Variants in TDP1 observed in about 807,000 individuals in gnomAD.
TDP1 encodes tyr-DNA phosphodiesterase 1.
Under a neutral mutation model 81.5 loss-of-function variants are expected in TDP1, and 64 were observed. The observed-to-expected ratio is 0.79, with a 90% CI of 0.64 to 0.97. The LOEUF (loss-of-function observed/expected upper bound fraction) is 0.97. Among genes scored for constraint, TDP1 ranks in the 50% least tolerant of loss-of-function variants. The probability of loss-of-function intolerance (pLI) is 0.00; values close to 1 mark genes in which losing one functional copy is unlikely to be tolerated. For missense variants in TDP1, 723 were observed against 743.8 expected (o/e 0.97, Z 0.33); for synonymous variants, 256 against 264.3 (o/e 0.97, Z 0.30).
intron 8 of TDP1, among the ~76,000 whole-genome samples, chr14:89,981,285 A>G (rs1475944236): frequency 1.3e-5 from 2 of 152,140 alleles, no homozygotes; most frequent in African/African-American, 4.8e-5. Context: ...TGAATACGAA[A>G]GCTTTTATGA....
At chr14:89,996,713 A>G (rs368203225) in intron 14 of TDP1, among the ~76,000 whole-genome samples, 1 of 152,252 alleles carries the variant, frequency 6.6e-6, no homozygotes, top group African/African-American at 2.4e-5. Context: ...CACAGCAACT[A>G]TGAAGGTTTA....
chr14:90,019,297 T>C lies in TDP1; in HGVS notation c.1542-19T>C. On this transcript the variant is annotated intron_variant, in intron 14 of 16. Coordinates refer to ENST00000335725, the MANE Select transcript of TDP1 (RefSeq NM_018319.4). ...GATGCCTCCCTGAGTCAGCCCTATC[T>C]GTGTCCTTGTCTCTGCAGCGCAAAT... The C allele has an allele frequency of 6.5e-7, 1 of 1,542,668 alleles. No homozygotes were observed. Among genetic ancestry groups the C allele is most frequent in the Non-Finnish European group, 9.0e-7 (1 of 1,115,682 alleles).
In TDP1 at chr14:89,989,085, T is replaced by A. The variant is rs182086916; in HGVS notation, c.1312T>A (p.Tyr438Asn). 1.6e-5 allele frequency: 26 copies of A among 1,613,798 alleles called. No homozygotes were observed. The Admixed American group carries it at 3.0e-4, about 19-fold the overall frequency. The change falls in exon 11 of 17, where the codon TAC (tyrosine) becomes AAC (asparagine). Residue 438 changes from tyrosine (Y) to asparagine (N), a missense_variant. Physicochemically the swap from Tyr to Asn is moderately radical, Grantham distance 143. Coordinates refer to ENST00000335725, the MANE Select transcript of TDP1 (RefSeq NM_018319.4). ...TCCAGGAAAAAGCTCTGTTCCTCTT[T>A]ACTTGGTGAGTTCTCGTCCTCATTG... ...KTPGKSSVPL[Y>N]LIYPSVENVR...
chr14:89,980,574 CG>C lies in TDP1; in HGVS notation c.829del (p.Val277LeufsTer22). 6.2e-7 allele frequency: 1 copy of C among 1,614,138 alleles called. No individual in the cohort carries two copies. The highest frequency in any genetic ancestry group is 8.5e-7 in the Non-Finnish European group (1 of 1,180,018). On this transcript the variant is annotated frameshift_variant, in exon 8 of 17. Coordinates refer to ENST00000335725, the MANE Select transcript of TDP1 (RefSeq NM_018319.4). LOFTEE classifies it high-confidence loss of function. ...GCTGCTGCTCTATGAAGAAGGCCTC[CG>C]GGTTGTCATACACACCTCCAACCTC... ...MMLLLYEEGL[R>X]VVIHTSNLIH...
At chr14:90,022,967 C>G (rs753899372) in intron 15 of TDP1, 9 of 733,174 alleles carry the variant, frequency 1.2e-5, no homozygotes, top group Non-Finnish European at 2.0e-5. Context: ...GTTCCAGTGG[C>G]CTGGGACTAC....
At chr14:89,975,904 G>C (rs1484411917) in intron 7 of TDP1, 89 bp downstream of exon 7, 2 of 1,013,302 alleles carry the variant, frequency 2.0e-6, no homozygotes, top group Non-Finnish European at 3.2e-6. Context: ...GAGCATGGTA[G>C]GCCCACCTAG....
At chr14:89,997,294 C>G (rs912662655) in intron 14 of TDP1, among the ~76,000 whole-genome samples, 7 of 152,186 alleles carry the variant, frequency 4.6e-5, no homozygotes, top group African/African-American at 1.7e-4. Flanking sequence ...CATGTGGAGG[C>G]TGATGAAGCC....
intron 9 of TDP1, 117 bp from the exon 10 acceptor site, chr14:89,985,015 G>A: frequency 7.5e-7 from 1 of 1,337,690 alleles, no homozygotes; most frequent in Non-Finnish European, 1.0e-6. Context: ...TCAAGAAAAT[G>A]GATTGGCTCT....
At chr14:89,987,104 G>A (rs535381791) in intron 10 of TDP1, 1 of 152,236 alleles carries the variant, frequency 6.6e-6, no homozygotes, top group African/African-American at 2.4e-5. Flanking sequence ...GAGCTCAAGT[G>A]TTAAACTATG....
intron 13 of TDP1, among the ~76,000 whole-genome samples, chr14:89,992,333 A>T (rs958784661): frequency 6.6e-6 from 1 of 152,212 alleles, no homozygotes; most frequent in Non-Finnish European, 1.5e-5. Context: ...ACCGTCACAC[A>T]TGCAGCTGCA....
At chr14:90,018,929 A>G (rs36213635) in intron 14 of TDP1, 35,095 of 964,034 alleles carry the variant, frequency 0.036, 2,472 homozygotes, top group African/African-American at 0.27. Context: ...AGATACTACT[A>G]CATAAGATAA....
chr14:89,976,554 T>TTTTTTG (rs1566862561), intron 7 of TDP1, among the ~76,000 whole-genome samples: 23 of 141,844 alleles, frequency 1.6e-4, no homozygotes, highest in African/African-American at 5.7e-4. Flanking sequence ...TTTTTTTTTT[T>TTTTTTG]TAGACAGAGT....
intron 14 of TDP1, among the ~76,000 whole-genome samples, chr14:90,004,325 TGAG>T (rs1372464920): frequency 6.6e-6 from 1 of 152,164 alleles, no homozygotes; most frequent in African/African-American, 2.4e-5. Flanking sequence ...TGGCTTGAGA[TGAG>T]GAGGTGCTAC....
intron 14 of TDP1, among the ~76,000 whole-genome samples, chr14:89,994,787 T>C (rs35603532): frequency 2.6e-5 from 4 of 152,128 alleles, no homozygotes; most frequent in Non-Finnish European, 5.9e-5. Context: ...GAGGTGCTAT[T>C]GTAAGTAGGC....
At chr14:90,010,115 CAT>C (rs571782990) in intron 14 of TDP1, among the ~76,000 whole-genome samples, 185 of 152,308 alleles carry the variant, frequency 1.2e-3, no homozygotes, top group Non-Finnish European at 1.3e-3. Flanking sequence ...AAGATTTACA[CAT>C]GTTTGGACTT....
intron 7 of TDP1, among the ~76,000 whole-genome samples, chr14:89,977,606 A>G (rs974503909): frequency 1.3e-5 from 2 of 152,230 alleles, no homozygotes; most frequent in African/African-American, 4.8e-5. Context: ...CGTATTTTTA[A>G]AATGTTTTAA....
chr14:90,003,178 C>T (rs1004127560), intron 14 of TDP1, among the ~76,000 whole-genome samples: 12 of 152,158 alleles, frequency 7.9e-5, no homozygotes, highest in Admixed American at 3.9e-4. Flanking sequence ...CCTTGTGATC[C>T]GCCCGCCTTG....
intron 14 of TDP1, among the ~76,000 whole-genome samples, chr14:89,994,252 A>G (rs1896474820): frequency 6.6e-6 from 1 of 152,228 alleles, no homozygotes; most frequent in African/African-American, 2.4e-5. Context: ...TTTAAACAAA[A>G]GAGCCACTTA....
intron 15 of TDP1, among the ~76,000 whole-genome samples, chr14:90,029,498 CTT>C (rs551041373): frequency 2.1e-4 from 26 of 122,714 alleles, no homozygotes; most frequent in Admixed American, 2.5e-4. Context: ...CGCACCCGGC[CTT>C]TTTTTTTTTT....
Sources: gnomAD v4.1 joint callset for allele counts (sites outside exome capture counted in the v4.1 genomes callset) on GRCh38, gnomAD v4.1.1 for gene constraint, MANE v1.5 for transcripts, NCBI Gene and HGNC (gene_info 2026-07-23, HGNC 2026-07-21) for gene names.